The following PPARG variants were observed in gnomAD, a reference collection of about 807,000 sequenced individuals.
The protein encoded by PPARG is peroxisome proliferator activated receptor gamma, also known as peroxisome proliferator-activated receptor gamma.
In PPARG, 17 loss-of-function variants were observed where a neutral mutation model predicts 39.2. The observed-to-expected ratio is 0.43, with a 90% confidence interval of 0.30 to 0.65. The LOEUF is 0.65. Ranked by LOEUF, PPARG falls within the 30% of genes least tolerant of loss-of-function variation. The pLI is 0.13. For missense variants in PPARG, 406 were observed against 585.9 expected, an observed-to-expected ratio of 0.69 and a Z score of 3.17; for synonymous variants, 223 against 215.7, an observed-to-expected ratio of 1.03 and a Z score of -0.30.
chr3:12,300,576 CT>C lies in PPARG; in HGVS notation c.-83+11454del, dbSNP rs981685483. Among the ~76,000 whole-genome samples, 132 of 143,636 alleles carry C rather than the reference CT, an allele frequency of 9.2e-4. 1 individual carries two copies. The highest frequency in any genetic ancestry group is 3.6e-3 in the East Asian group (18 of 5,002). 94.2% of individuals were successfully genotyped at this position (143,636 alleles called of 152,430 possible). ...TATGAAATATTTATCCTGGTCCCAG[CT>C]TTTTTTTTTTTCATTCTCAAAGGAG... On this transcript the variant is annotated intron_variant, in intron 1 of 7. Transcript: ENST00000651735.
chr3:12,430,840 T>G (rs1199941841), intron 7 of PPARG, among the ~76,000 whole-genome samples: 3 of 152,094 alleles, frequency 2.0e-5, no homozygotes, highest in Non-Finnish European at 4.4e-5. Flanking sequence ...TGAGAATGTT[T>G]CAGGCAGGAA....
At chr3:12,430,240 C>A (rs918186926) in intron 7 of PPARG, among the ~76,000 whole-genome samples, 1 of 152,104 alleles carries the variant, frequency 6.6e-6, no homozygotes, top group Non-Finnish European at 1.5e-5. Flanking sequence ...TGTTCACCAG[C>A]CAGGAGAATT....
intron 2 of PPARG, among the ~76,000 whole-genome samples, chr3:12,334,428 G>A (rs1025475075): frequency 2.6e-5 from 4 of 151,832 alleles, no homozygotes; most frequent in Admixed American, 6.6e-5. Context: ...ATGGGTTTTC[G>A]CCATGTTGTC....
At chr3:12,362,236 G>A (rs2048869315) in intron 2 of PPARG, among the ~76,000 whole-genome samples, 1 of 152,124 alleles carries the variant, frequency 6.6e-6, no homozygotes, top group Non-Finnish European at 1.5e-5. Context: ...AACACAGTCT[G>A]CCTAACATGG....
intron 5 of PPARG, among the ~76,000 whole-genome samples, chr3:12,397,192 A>G (rs1195822674): frequency 1.3e-5 from 2 of 151,926 alleles, no homozygotes; most frequent in Non-Finnish European, 1.5e-5. Context: ...AAAAACTGAC[A>G]ACTTTCAAAA....
At chr3:12,417,900 TC>T (rs750413161) in intron 7 of PPARG, among the ~76,000 whole-genome samples, 25 of 79,678 alleles carry the variant, frequency 3.1e-4, no homozygotes, top group East Asian at 6.7e-4. Context: ...TTTTTTTTTT[TC>T]CTTTTTTTTT....
At chr3:12,358,242 C>T (rs2048728868) in intron 2 of PPARG, among the ~76,000 whole-genome samples, 1 of 152,164 alleles carries the variant, frequency 6.6e-6, no homozygotes, top group African/African-American at 2.4e-5. Context: ...CCTTTTGATA[C>T]TTCCATTATT....
intron 5 of PPARG, among the ~76,000 whole-genome samples, chr3:12,405,497 T>C (rs1037687753): frequency 1.3e-5 from 2 of 152,244 alleles, no homozygotes; most frequent in Admixed American, 1.3e-4. Flanking sequence ...ATCCTTCTAG[T>C]GCCTGACCTT....
At chr3:12,398,743 G>T (rs2050356808) in intron 5 of PPARG, among the ~76,000 whole-genome samples, 1 of 152,182 alleles carries the variant, frequency 6.6e-6, no homozygotes, top group African/African-American at 2.4e-5. Flanking sequence ...TTAAAGGCTG[G>T]GAGAATACTG....
Position 12,431,953 on chromosome 3 carries a change from A to C in PPARG, c.1181-1945A>C, listed in dbSNP as rs537937654. 4.0e-5 allele frequency among the ~76,000 whole-genome samples: 6 copies of C among 151,636 alleles called. No homozygotes were observed. The South Asian group carries it at 1.2e-3, about 31-fold the overall frequency. On this transcript the variant is annotated intron_variant, in intron 7 of 7. Coordinates refer to ENST00000651735, the MANE Select transcript of PPARG (RefSeq NM_138711.6). ...GTCACAAAAAAAAAAGCGTTAAGTT[A>C]AGGAGCGTGAATAAAAATAATACAT... is the stretch of plus-strand genomic sequence containing the variant.
At chr3:12,308,900 T>C (rs998038939) in intron 1 of PPARG, among the ~76,000 whole-genome samples, 7 of 152,094 alleles carry the variant, frequency 4.6e-5, no homozygotes, top group African/African-American at 1.7e-4. Context: ...CACAGTAAAG[T>C]GGGTTGAGGA....
At chr3:12,338,183 C>T (rs2048070250) in intron 2 of PPARG, among the ~76,000 whole-genome samples, 1 of 152,120 alleles carries the variant, frequency 6.6e-6, no homozygotes, top group South Asian at 2.1e-4. Flanking sequence ...TGTTTCGTGT[C>T]TCAATTTTAA....
chr3:12,421,347 G>C (rs1323782424), intron 7 of PPARG, among the ~76,000 whole-genome samples: 1 of 152,188 alleles, frequency 6.6e-6, no homozygotes, highest in Admixed American at 6.5e-5. Flanking sequence ...TTACTGACAG[G>C]CTGGGCGGTG....
At chr3:12,293,276 T>C (rs928861820) in intron 1 of PPARG, among the ~76,000 whole-genome samples, 1 of 152,206 alleles carries the variant, frequency 6.6e-6, no homozygotes, top group African/African-American at 2.4e-5. Context: ...AATATCTGTT[T>C]AGGAAGCATT....
intron 2 of PPARG, among the ~76,000 whole-genome samples, chr3:12,378,113 A>G (rs2125166052): frequency 6.6e-6 from 1 of 152,318 alleles, no homozygotes; most frequent in South Asian, 2.1e-4. Context: ...AAAACACAGA[A>G]GATAAGAAGT....
At chr3:12,300,942 A>G (rs2046909993) in intron 1 of PPARG, among the ~76,000 whole-genome samples, 1 of 152,194 alleles carries the variant, frequency 6.6e-6, no homozygotes. Flanking sequence ...TTTGAGGACA[A>G]GTGTGTGCTT....
intron 2 of PPARG, among the ~76,000 whole-genome samples, chr3:12,344,375 GT>G (rs1457938832): frequency 7.2e-6 from 1 of 138,622 alleles, no homozygotes; most frequent in Non-Finnish European, 1.5e-5. Flanking sequence ...TTTATAATGT[GT>G]CTAATAAAGA....
chr3:12,300,518 G>A (rs568718870), intron 1 of PPARG, among the ~76,000 whole-genome samples: 2 of 151,118 alleles, frequency 1.3e-5, no homozygotes, highest in African/African-American at 4.9e-5. Context: ...ATTTTTAAAT[G>A]TCAGGTTGAC....
intron 1 of PPARG, among the ~76,000 whole-genome samples, chr3:12,302,889 G>A (rs941449437): frequency 6.6e-6 from 1 of 152,108 alleles, no homozygotes; most frequent in East Asian, 1.9e-4. Flanking sequence ...CATGAGGAGG[G>A]CCTGTAAGAG....
Sources: allele counts gnomAD v4.1 joint callset (sites outside exome capture counted in the v4.1 genomes callset), GRCh38; gene constraint gnomAD v4.1.1; transcripts MANE v1.5; gene names NCBI Gene and HGNC (gene_info 2026-07-23, HGNC 2026-07-21).